Variants in AGO4 observed in about 807,000 individuals in gnomAD.
AGO4 encodes protein argonaute-4.
AGO4 carries 33 observed loss-of-function variants against 104.7 expected under a neutral mutation model. The ratio of observed to expected loss-of-function variants is 0.32; its 90% CI spans 0.24 to 0.42. AGO4 has a LOEUF of 0.42. Among genes scored for constraint, AGO4 ranks in the 10% least tolerant of loss-of-function variants. The pLI is 1.00. For synonymous variants in AGO4, 331 were observed against 364.7 expected (o/e 0.91, Z 1.05); for missense variants, 711 against 1,083.4 (o/e 0.66, Z 4.83).
chr1:35,847,475 C>T (rs1644599785), intron 15 of AGO4, among the ~76,000 whole-genome samples: 1 of 152,130 alleles, frequency 6.6e-6, no homozygotes, highest in Non-Finnish European at 1.5e-5. Context: ...CTCAAGTAAT[C>T]TGCCTGCCTT....
At chr1:35,844,244 A>G (rs1644514493) in intron 15 of AGO4, among the ~76,000 whole-genome samples, 1 of 152,102 alleles carries the variant, frequency 6.6e-6, no homozygotes, top group Non-Finnish European at 1.5e-5. Flanking sequence ...GGGTTTCACC[A>G]TGTTGTCCAG....
intron 10 of AGO4, 50 bp from the exon 11 acceptor site, chr1:35,832,387 T>C (rs1379033396): frequency 6.5e-7 from 1 of 1,528,794 alleles, no homozygotes; most frequent in East Asian, 2.3e-5. Flanking sequence ...GTCTTTTCTC[T>C]TTTCTTTTGT....
rs1644785069 is a variant in AGO4 at position 35,854,863 on chromosome 1, T to A, written c.*1258T>A. On this transcript the variant is annotated 3_prime_UTR_variant, in exon 18 of 18. Transcript: ENST00000373210. ...ACTTGCAGTACAAATTTTTTGCTTC[T>A]CTTTCGACATGAAATGTACTTGGTG... The A allele has an allele frequency of 6.5e-6, 1 of 152,800 alleles. No individual in the cohort carries two copies. Among genetic ancestry groups the A allele is most frequent in the Non-Finnish European group, 1.5e-5 (1 of 68,042 alleles). 9.5% of individuals were successfully genotyped at this position (152,800 alleles called of 1,614,324 possible). A position where few individuals can be genotyped will look rare whatever the true frequency, so the allele number is the denominator to read the frequency against.
chr1:35,849,686 CAAAAAAA>C (rs58930702), intron 15 of AGO4, among the ~76,000 whole-genome samples: 1 of 74,046 alleles, frequency 1.4e-5, no homozygotes, highest in Non-Finnish European at 3.0e-5. Flanking sequence ...GACGCTGTCT[CAAAAAAA>C]AAAAAAAAAA....
chr1:35,846,382 G>A (rs1029503667), intron 15 of AGO4, among the ~76,000 whole-genome samples: 5 of 152,016 alleles, frequency 3.3e-5, no homozygotes, highest in South Asian at 2.1e-4. Context: ...CGGATCACAA[G>A]GTCAGGAGAT....
chr1:35,851,087 A>G (rs755857409), intron 17 of AGO4, 34 bp downstream of exon 17: 11 of 1,547,220 alleles, frequency 7.1e-6, no homozygotes, highest in African/African-American at 1.4e-5. Context: ...GTCTCTTTAT[A>G]TTTTAGTAGC....
chr1:35,828,480 T>C (rs1438369686), intron 7 of AGO4, among the ~76,000 whole-genome samples: 1 of 152,058 alleles, frequency 6.6e-6, no homozygotes, highest in Non-Finnish European at 1.5e-5. Context: ...AGCAGCATAC[T>C]CCTTTCCATT....
chr1:35,822,607 G>A (rs1643910720), intron 2 of AGO4, among the ~76,000 whole-genome samples: 1 of 152,136 alleles, frequency 6.6e-6, no homozygotes, highest in Non-Finnish European at 1.5e-5. Context: ...GGAAAGAGGA[G>A]GTTGAGAGGA....
intron 16 of AGO4, 42 bp from the exon 17 acceptor site, chr1:35,850,812 A>G: frequency 8.2e-7 from 1 of 1,221,716 alleles, no homozygotes; most frequent in Non-Finnish European, 1.1e-6. Flanking sequence ...AAAACAAAAA[A>G]CGAACAAAAA....
In AGO4 at chr1:35,832,490, G is replaced by C. The variant is rs149619232; in HGVS notation, c.1299G>C (p.Gln433His). ...GTGTCTGGGACATGCGAGGAAAGCA[G>C]TTTTATGCTGGCATTGAAATTAAAG... is the stretch of plus-strand genomic sequence containing the variant. ...NQGVWDMRGK[Q>H]FYAGIEIKVW... Residue 433 changes from glutamine to histidine, a missense_variant, in exon 11 of 18, where the codon CAG (glutamine) becomes CAC (histidine). Around this residue, in one of 3 missense-constraint regions of AGO4, gnomAD observed 401 missense variants for 665.5 expected, o/e 0.60. Coordinates refer to ENST00000373210, the MANE Select transcript of AGO4 (RefSeq NM_017629.4). 6.2e-7 allele frequency: 1 copy of C among 1,613,182 alleles called. No homozygotes were observed. The highest frequency in any genetic ancestry group is 8.5e-7 in the Non-Finnish European group (1 of 1,179,886).
In AGO4 at chr1:35,825,770, C is replaced by T; in HGVS notation, c.580C>T (p.Gln194Ter). 6.3e-7 allele frequency: 1 copy of T among 1,596,892 alleles called. No homozygotes were observed. Among genetic ancestry groups the T allele is most frequent in the Non-Finnish European group, 8.5e-7 (1 of 1,173,702 alleles). ...CAGGGAGGTCTGGTTTGGTTTTCAT[C>T]AGTCTGTGAGACCTGCCATGTGGAA... ...GGREVWFGFH[Q>*]SVRPAMWNMM... The change falls in exon 5 of 18, where the codon CAG (glutamine) becomes TAG (stop). Residue 194 changes from glutamine (Q) to a stop codon, truncating the protein, a stop_gained. Coordinates refer to ENST00000373210, the MANE Select transcript of AGO4 (RefSeq NM_017629.4). LOFTEE classifies it high-confidence loss of function.
Position 35,853,554 on chromosome 1 carries a change from T to C in AGO4, c.2535T>C (p.Ala845=), listed in dbSNP as rs1644756113. 6.2e-7 allele frequency: 1 copy of C among 1,614,114 alleles called. No individual in the cohort carries two copies. Among genetic ancestry groups the C allele is most frequent in the Non-Finnish European group, 8.5e-7 (1 of 1,179,990 alleles). The change falls in exon 18 of 18, where the codon GCT becomes GCC. Residue 845 remains alanine, a synonymous_variant. Transcript: ENST00000373210. ...ACGGCCGGGATCCTCAGGCCTTGGC[T>C]AAGGCTGTGCAAATCCACCATGATA... ...QSNGRDPQAL[A]KAVQIHHDTQ... is the part of the protein sequence containing the mutation.
chr1:35,831,231 A>G (rs1644177290), intron 7 of AGO4, among the ~76,000 whole-genome samples, 196 bp from the exon 8 acceptor site: 1 of 151,986 alleles, frequency 6.6e-6, no homozygotes, highest in African/African-American at 2.4e-5. Flanking sequence ...GCATGGTGGC[A>G]CACGCCTATA....
intron 15 of AGO4, among the ~76,000 whole-genome samples, chr1:35,842,563 G>C (rs1221123044): frequency 6.6e-6 from 1 of 152,242 alleles, no homozygotes; most frequent in Admixed American, 6.5e-5. Flanking sequence ...AGCACTTTGG[G>C]AGGCTGAGGC....
At chr1:35,849,606 G>GAGTCC (rs1222033275) in intron 15 of AGO4, among the ~76,000 whole-genome samples, 1 of 148,054 alleles carries the variant, frequency 6.8e-6, no homozygotes, top group East Asian at 2.0e-4. Flanking sequence ...AGGATTCCTT[G>GAGTCC]AGTCCAGGAG....
rs1174835282 is a variant in AGO4, at chr1:35,853,812, GAT to G, written c.*208_*209del. On this transcript the variant is annotated 3_prime_UTR_variant, in exon 18 of 18. Coordinates refer to ENST00000373210, the MANE Select transcript of AGO4 (RefSeq NM_017629.4). Reference sequence around the variant, plus strand: ...TTTTTTAAAGTAATAGATACTAATAGATTATCTTTTCTGATGCACTGGACTGA... The same window carrying G: ...TTTTTTAAAGTAATAGATACTAATAGTATCTTTTCTGATGCACTGGACTGA... The G allele has an allele frequency of 9.1e-6, 4 of 440,690 alleles. No homozygotes were observed. Among genetic ancestry groups the G allele is most frequent in the Non-Finnish European group, 1.6e-5 (4 of 244,226 alleles). 27.3% of individuals were successfully genotyped at this position (440,690 alleles called of 1,614,324 possible). A position where few individuals can be genotyped will look rare whatever the true frequency, so the allele number is the denominator to read the frequency against.
rs907432959 is a variant in AGO4 at position 35,851,372 on chromosome 1, C to T, written c.2477+319C>T. Among the ~76,000 whole-genome samples the T allele has an allele frequency of 3.3e-5, 5 of 152,132 alleles. No individual in the cohort carries two copies. The East Asian group carries it at 5.8e-4, about 18-fold the overall frequency. ...AGTGGTCAACACAGTACCCTGGCTC[C>T]GGTCAAAGTAGTCACAGGGCTGTGG... On this transcript the variant is annotated intron_variant, in intron 17 of 17. Coordinates refer to ENST00000373210, the MANE Select transcript of AGO4 (RefSeq NM_017629.4).
In AGO4 at chr1:35,832,040, G is replaced by C. The variant is rs1339357185; in HGVS notation, c.1117-17G>C. 4 of 1,607,998 alleles carry C rather than the reference G, an allele frequency of 2.5e-6. No homozygotes were observed. In the South Asian group the frequency reaches 4.5e-5, roughly 18 times the overall value. ...TACTCTCTGGTTTTTATATATGCAG[G>C]CTTTCCTGTTCTTTAGGTGAAGAGC... On this transcript the variant is annotated splice_polypyrimidine_tract_variant and intron_variant, in intron 9 of 17. Coordinates refer to ENST00000373210, the MANE Select transcript of AGO4 (RefSeq NM_017629.4).
chr1:35,842,938 C>A (rs111427207), intron 15 of AGO4, among the ~76,000 whole-genome samples: 2 of 152,124 alleles, frequency 1.3e-5, no homozygotes, highest in Non-Finnish European at 2.9e-5. Context: ...CTTGTCCAGG[C>A]CCTCTCTGAT....
Sources: allele counts gnomAD v4.1 joint callset (sites outside exome capture counted in the v4.1 genomes callset), GRCh38; gene constraint gnomAD v4.1.1; regional missense constraint gnomAD v4.1.1; transcripts MANE v1.5; gene names NCBI Gene and HGNC (gene_info 2026-07-23, HGNC 2026-07-21).